The following GNA12 variants were observed in gnomAD, a reference collection of about 807,000 sequenced individuals.
GNA12 encodes the protein guanine nucleotide-binding protein subunit alpha-12.
GNA12 carries 9 observed loss-of-function variants against 26.0 expected under a neutral mutation model. That is an observed-to-expected ratio of 0.35 (90% CI 0.21 to 0.60). GNA12 has a LOEUF of 0.60. GNA12 is among the 20% of genes least tolerant of loss of function. GNA12 has a pLI of 0.78. For missense variants in GNA12, 405 were observed against 525.8 expected (o/e 0.77, Z 2.25); for synonymous variants, 264 against 219.6 (o/e 1.20, Z -1.79).
chr7:2,794,002 G>A (rs551275804), intron 2 of GNA12, among the ~76,000 whole-genome samples: 1 of 152,082 alleles, frequency 6.6e-6, no homozygotes, highest in Admixed American at 6.5e-5. Context: ...TGGAGCATCA[G>A]ACAGCAGTGA....
chr7:2,736,168 G>T (rs1790163607), intron 2 of GNA12, among the ~76,000 whole-genome samples: 1 of 152,184 alleles, frequency 6.6e-6, no homozygotes, highest in Non-Finnish European at 1.5e-5. Flanking sequence ...AATGCATGTG[G>T]CAGAAACTGA....
intron 2 of GNA12, among the ~76,000 whole-genome samples, chr7:2,757,672 T>C (rs1457955361): frequency 6.6e-6 from 1 of 152,174 alleles, no homozygotes; most frequent in African/African-American, 2.4e-5. Context: ...AAGTTGCTAA[T>C]TGGTGGTAAT....
intron 2 of GNA12, among the ~76,000 whole-genome samples, chr7:2,739,094 T>G (rs798516): frequency 0.57 from 86,378 of 152,128 alleles, 24,884 homozygotes; most frequent in Admixed American, 0.63. Flanking sequence ...GTGTGCAGGG[T>G]TGCTGTCACA....
intron 2 of GNA12, among the ~76,000 whole-genome samples, chr7:2,738,101 G>C (rs1043418270): frequency 6.6e-6 from 1 of 152,132 alleles, no homozygotes; most frequent in Non-Finnish European, 1.5e-5. Context: ...CCTATGAATT[G>C]TTTGTTGCTA....
chr7:2,745,343 G>C (rs891830830), intron 2 of GNA12, among the ~76,000 whole-genome samples: 1 of 152,248 alleles, frequency 6.6e-6, no homozygotes, highest in Non-Finnish European at 1.5e-5. Context: ...CTGCAAGCCA[G>C]AAGAGAGTGG....
rs377655957 is a variant in GNA12, at chr7:2,785,207, G to A, written c.525+9721C>T. 5.3e-5 allele frequency among the ~76,000 whole-genome samples: 8 copies of A among 152,298 alleles called. No individual in the cohort carries two copies. In the East Asian group the frequency reaches 7.7e-4, roughly 15 times the overall value. ...ATCCTCAGGCAAGAGCCACCCCAGA[G>A]GAAAAGCAAGTGTCCCACCCGCTCC... On this transcript the variant is annotated intron_variant, in intron 2 of 3. Coordinates refer to ENST00000275364, the MANE Select transcript of GNA12 (RefSeq NM_007353.3).
chr7:2,838,469 G>A (rs1182172), intron 1 of GNA12, among the ~76,000 whole-genome samples: 35,832 of 151,802 alleles, frequency 0.24, 4,976 homozygotes, highest in Non-Finnish European at 0.3. Context: ...CTGTAGTCCC[G>A]GCTACTAGGG....
rs999835892 is a variant in GNA12, at chr7:2,731,555, C to T, written c.772G>A (p.Asp258Asn). 1.5e-5 allele frequency: 24 copies of T among 1,610,476 alleles called. No homozygotes were observed. The highest frequency in any genetic ancestry group is 1.8e-5 in the Non-Finnish European group (21 of 1,177,510). The change falls in exon 4 of 4, where the codon GAC becomes AAC. Residue 258 changes from aspartate (D) to asparagine (N), a missense_variant. By Grantham distance (23) the Asp-to-Asn change is conservative. Transcript: ENST00000275364. The surrounding 1 kb of genome is among the most constrained non-coding windows in gnomAD (Gnocchi z 6.0). ...ILFMVSSSEY[D>N]QVLMEDRRTN... The stretch of plus-strand genomic sequence containing the variant: ...CGCCTGTCCTCCATGAGGACCTGGT[C>T]GTACTCGCTGGAGGAGACCATGAAC...
intron 2 of GNA12, among the ~76,000 whole-genome samples, chr7:2,780,392 A>C (rs1421010611): frequency 3.3e-5 from 5 of 152,186 alleles, no homozygotes; most frequent in African/African-American, 1.2e-4. Flanking sequence ...GTAAATTATA[A>C]CAATATAGGA....
At chr7:2,816,024 A>G (rs1158376309) in intron 1 of GNA12, among the ~76,000 whole-genome samples, 2 of 152,240 alleles carry the variant, frequency 1.3e-5, no homozygotes, top group Non-Finnish European at 2.9e-5. Flanking sequence ...GCGTCTAAGT[A>G]CACATCCCGG....
At chr7:2,835,571 C>A in intron 1 of GNA12, 1 of 529,380 alleles carries the variant, frequency 1.9e-6, no homozygotes, top group Non-Finnish European at 3.5e-6. Context: ...GGAGCAAGAG[C>A]GCGCTTGGGG....
Position 2,750,688 on chromosome 7 carries a change from C to A in GNA12, c.526-17187G>T, listed in dbSNP as rs538791146. On this transcript the variant is annotated intron_variant, in intron 2 of 3. Transcript: ENST00000275364. The stretch of plus-strand genomic sequence containing the variant: ...ACTGAAACCATGGAAGGTGAAGCCA[C>A]GGACACGGGGGACTATTGGACAGGC... Among the ~76,000 whole-genome samples, 4 of 152,296 alleles carry A rather than the reference C, an allele frequency of 2.6e-5. No homozygotes were observed. In the East Asian group the frequency reaches 5.8e-4, roughly 22 times the overall value.
chr7:2,819,105 G>A (rs1464202225), intron 1 of GNA12, among the ~76,000 whole-genome samples: 1 of 152,136 alleles, frequency 6.6e-6, no homozygotes, highest in Non-Finnish European at 1.5e-5. Context: ...TGTGGAAGGT[G>A]GAAAAGTCTG....
chr7:2,775,785 C>T (rs1362431198), intron 2 of GNA12, among the ~76,000 whole-genome samples: 1 of 152,192 alleles, frequency 6.6e-6, no homozygotes, highest in Non-Finnish European at 1.5e-5. Context: ...CAATACAGGC[C>T]AGGCTCAGAA....
intron 2 of GNA12, among the ~76,000 whole-genome samples, chr7:2,779,105 T>C (rs761817199): frequency 3.3e-5 from 5 of 152,186 alleles, no homozygotes; most frequent in East Asian, 1.9e-4. Flanking sequence ...CTGCCTGTAA[T>C]ACTAGCATTC....
chr7:2,831,531 G>A (rs1175050741), intron 1 of GNA12, among the ~76,000 whole-genome samples: 1 of 151,110 alleles, frequency 6.6e-6, no homozygotes, highest in Non-Finnish European at 1.5e-5. Context: ...AGCCTCCCGA[G>A]TAGCTGGGAC....
chr7:2,814,635 C>CTTTTTTTTT (rs35209860), intron 1 of GNA12, among the ~76,000 whole-genome samples: 1 of 133,708 alleles, frequency 7.5e-6, no homozygotes, highest in Non-Finnish European at 1.6e-5. Flanking sequence ...CTTTTCCTGC[C>CTTTTTTTTT]TTTTTTTTTT....
chr7:2,762,677 A>T (rs1370935778), intron 2 of GNA12: 1 of 1,593,288 alleles, frequency 6.3e-7, no homozygotes, highest in South Asian at 1.2e-5. Flanking sequence ...AATCATTTGG[A>T]AAGAAACCAC....
At chr7:2,779,049 C>A (rs944445164) in intron 2 of GNA12, among the ~76,000 whole-genome samples, 1 of 152,142 alleles carries the variant, frequency 6.6e-6, no homozygotes, top group African/African-American at 2.4e-5. Context: ...GAGACTATCT[C>A]TACAAAAAAT....
Sources: allele counts gnomAD v4.1 joint callset (sites outside exome capture counted in the v4.1 genomes callset), GRCh38; gene constraint gnomAD v4.1.1; non-coding constraint Gnocchi (gnomAD v3.1); transcripts MANE v1.5; gene names NCBI Gene and HGNC (gene_info 2026-07-23, HGNC 2026-07-21).